PIP5K1B: variants seen among roughly 807,000 people sequenced by gnomAD.
PIP5K1B encodes phosphatidylinositol 4-phosphate 5-kinase type-1 beta.
In PIP5K1B, 42 loss-of-function variants were observed where a neutral mutation model predicts 67.0. The observed-to-expected ratio is 0.63, with a 90% confidence interval of 0.49 to 0.81. The LOEUF (loss-of-function observed/expected upper bound fraction) is 0.81, where lower values mean the gene tolerates loss of function less well. PIP5K1B is among the 30% of genes least tolerant of loss of function. The pLI is 0.00. For synonymous variants in PIP5K1B, 214 were observed against 231.4 expected (o/e 0.92, Z 0.68); for missense variants, 459 against 646.3 (o/e 0.71, Z 3.14).
At chr9:68,802,103 A>G (rs903609982) in intron 2 of PIP5K1B, among the ~76,000 whole-genome samples, 2 of 152,254 alleles carry the variant, frequency 1.3e-5, no homozygotes, top group Non-Finnish European at 2.9e-5. Flanking sequence ...TTATTCCAAA[A>G]GAGAAACTAT....
At chr9:68,989,944 C>T (rs1015585069) in intron 14 of PIP5K1B, among the ~76,000 whole-genome samples, 2 of 151,982 alleles carry the variant, frequency 1.3e-5, no homozygotes, top group African/African-American at 2.4e-5. Flanking sequence ...CACGCCACTG[C>T]ACTCCACAGC....
intron 2 of PIP5K1B, among the ~76,000 whole-genome samples, chr9:68,778,238 A>G (rs1029369124): frequency 1.2e-4 from 18 of 152,186 alleles, no homozygotes; most frequent in African/African-American, 3.9e-4. Flanking sequence ...TTGAACCTCA[A>G]TCGTTCCTTC....
chr9:68,963,833 G>A (rs1828880371), intron 14 of PIP5K1B, among the ~76,000 whole-genome samples: 1 of 152,180 alleles, frequency 6.6e-6, no homozygotes, highest in Admixed American at 6.5e-5. Flanking sequence ...AGTATTGGGT[G>A]GTGGTGACTT....
intron 15 of PIP5K1B, among the ~76,000 whole-genome samples, chr9:69,004,337 T>TTGTGTGTGTGTGTG (rs56680798): frequency 6.7e-6 from 1 of 148,266 alleles, no homozygotes; most frequent in African/African-American, 2.5e-5. Context: ...GTGTGTGTTT[T>TTGTGTGTGTGTGTG]TGTGTGTGTG....
intron 4 of PIP5K1B, among the ~76,000 whole-genome samples, chr9:68,831,291 T>G (rs766762193): frequency 1.3e-5 from 2 of 152,218 alleles, no homozygotes; most frequent in Non-Finnish European, 2.9e-5. Context: ...TTAAAAGCAA[T>G]GCTAATAATA....
At chr9:68,987,991 T>G (rs1830165812) in intron 14 of PIP5K1B, among the ~76,000 whole-genome samples, 1 of 152,226 alleles carries the variant, frequency 6.6e-6, no homozygotes, top group Non-Finnish European at 1.5e-5. Context: ...GATCATGGTA[T>G]TATATCATTT....
At chr9:68,712,006 C>T (rs1490033989) in intron 1 of PIP5K1B, among the ~76,000 whole-genome samples, 1 of 152,188 alleles carries the variant, frequency 6.6e-6, no homozygotes, top group East Asian at 1.9e-4. Flanking sequence ...GATACTGATA[C>T]AGTTTTGACG....
At chr9:68,969,920 A>T (rs1478048785) in intron 14 of PIP5K1B, among the ~76,000 whole-genome samples, 1 of 152,234 alleles carries the variant, frequency 6.6e-6, no homozygotes, top group Non-Finnish European at 1.5e-5. Context: ...CAAGTGAGTA[A>T]CATTGAGGAC....
Position 68,895,951 on chromosome 9 carries a change from T to C in PIP5K1B, c.771+1313T>C, listed in dbSNP as rs532202806. Among the ~76,000 whole-genome samples, 296 of 152,304 alleles carry C rather than the reference T, an allele frequency of 1.9e-3. 1 individual carries two copies. Among genetic ancestry groups the C allele is most frequent in the African/African-American group, 6.9e-3 (287 of 41,576 alleles). ...ATGACAGAGCCCACATCTGTTTGGG[T>C]ACAAAGGCATGTGCTTCTAACAACT... On this transcript the variant is annotated intron_variant, in intron 8 of 15. Transcript: ENST00000265382.
intron 6 of PIP5K1B, among the ~76,000 whole-genome samples, chr9:68,888,498 A>G (rs1050578903): frequency 3.3e-5 from 5 of 152,256 alleles, no homozygotes; most frequent in African/African-American, 1.2e-4. Flanking sequence ...AGCCCTAGCG[A>G]AAGATCTGGG....
intron 2 of PIP5K1B, among the ~76,000 whole-genome samples, chr9:68,786,363 A>G (rs1831614256): frequency 6.6e-6 from 1 of 152,184 alleles, no homozygotes; most frequent in Non-Finnish European, 1.5e-5. Context: ...GGCAGGTGCT[A>G]TGGATTCCCA....
intron 1 of PIP5K1B, among the ~76,000 whole-genome samples, chr9:68,710,462 A>G (rs1827331879): frequency 6.6e-6 from 1 of 152,186 alleles, no homozygotes; most frequent in Non-Finnish European, 1.5e-5. Flanking sequence ...TGCTATTGAC[A>G]GAGAATTGTA....
intron 1 of PIP5K1B, among the ~76,000 whole-genome samples, chr9:68,713,913 G>C (rs2132244148): frequency 6.6e-6 from 1 of 152,256 alleles, no homozygotes; most frequent in Admixed American, 6.5e-5. Context: ...TTTCTTCACT[G>C]AAGAGAAGGA....
chr9:68,747,596 A>T (rs1422121830), intron 2 of PIP5K1B, among the ~76,000 whole-genome samples: 1 of 152,164 alleles, frequency 6.6e-6, no homozygotes, highest in African/African-American at 2.4e-5. Context: ...TAAAATTTTT[A>T]TTCTAGAAAT....
At chr9:68,953,103 C>T (rs1828180382) in intron 14 of PIP5K1B, among the ~76,000 whole-genome samples, 1 of 151,986 alleles carries the variant, frequency 6.6e-6, no homozygotes, top group African/African-American at 2.4e-5. Context: ...TCCTTTTATG[C>T]ATACAGAATA....
chr9:68,866,613 T>C (rs1358845351), intron 5 of PIP5K1B, among the ~76,000 whole-genome samples: 3 of 152,242 alleles, frequency 2.0e-5, no homozygotes, highest in African/African-American at 7.2e-5. Flanking sequence ...GATAGAGAAC[T>C]GTGCATACAA....
chr9:68,735,020 A>G (rs970444649), intron 1 of PIP5K1B, among the ~76,000 whole-genome samples: 1 of 152,216 alleles, frequency 6.6e-6, no homozygotes, highest in South Asian at 2.1e-4. Context: ...ATAAATTGCT[A>G]TATTGGATTT....
intron 2 of PIP5K1B, chr9:68,780,281 C>T (rs769009779): frequency 1.3e-6 from 2 of 1,587,088 alleles, no homozygotes; most frequent in Non-Finnish European, 1.7e-6. Flanking sequence ...ACAGCGCCCC[C>T]CTGATCCACG....
chr9:68,889,450 C>T (rs978098891), intron 7 of PIP5K1B, among the ~76,000 whole-genome samples: 1 of 151,984 alleles, frequency 6.6e-6, no homozygotes, highest in African/African-American at 2.4e-5. Context: ...CTGAGAAATA[C>T]GTGGCCAGGC....
Sources: allele counts gnomAD v4.1 joint callset (sites outside exome capture counted in the v4.1 genomes callset), GRCh38; gene constraint gnomAD v4.1.1; transcripts MANE v1.5; gene names NCBI Gene and HGNC (gene_info 2026-07-23, HGNC 2026-07-21).